The following CNTN6 variants were observed in gnomAD, a reference collection of about 807,000 sequenced individuals.
CNTN6 encodes the protein contactin 6.
CNTN6 carries 137 observed loss-of-function variants against 122.8 expected under a neutral mutation model. That is an observed-to-expected ratio of 1.12 (90% confidence interval 0.97 to 1.29). The LOEUF (loss-of-function observed/expected upper bound fraction) is 1.29. CNTN6 is among the 50% of genes most tolerant of loss of function. The pLI is 0.00. For missense variants in CNTN6, 1,634 were observed against 1,223.4 expected (o/e 1.34, Z -5.01); for synonymous variants, 570 against 426.0 (o/e 1.34, Z -4.16).
In CNTN6 at chr3:1,403,552, T is replaced by C. The variant is rs1696004304; in HGVS notation, c.*134T>C. ...GAAAAAAAAAAGTATATTATTAAAA[T>C]CCTGTAAATATCTATGGTATATTAA... On this transcript the variant is annotated 3_prime_UTR_variant, in exon 23 of 23. Coordinates refer to ENST00000446702, the MANE Select transcript of CNTN6 (RefSeq NM_001289080.2). 2.0e-6 allele frequency: 1 copy of C among 506,736 alleles called. No homozygotes were observed. The highest frequency in any genetic ancestry group is 2.0e-5 in the African/African-American group (1 of 50,994). 31.4% of individuals were successfully genotyped at this position (506,736 alleles called of 1,614,324 possible).
At position 1,227,715 on chromosome 3, in the gene CNTN6, T is replaced by C; in HGVS notation, c.183-103T>C. 11 of 1,222,918 alleles carry C rather than the reference T, an allele frequency of 9.0e-6. 1 individual carries two copies. The South Asian group carries it at 1.5e-4, about 17-fold the overall frequency. The allele number at this position is 1,222,918 out of a possible 1,614,324, so 75.8% of individuals were successfully genotyped here. A position where few individuals can be genotyped will look rare whatever the true frequency, so the allele number is the denominator to read the frequency against. On this transcript the variant is annotated intron_variant, in intron 3 of 22. Transcript: ENST00000446702. ...TTACCTCCACATGTAATCATGTTTT[T>C]TGGTGTTTTTTATAGTTGCAGGAAT...
intron 2 of CNTN6, among the ~76,000 whole-genome samples, chr3:1,170,745 C>T (rs1421100170): frequency 6.6e-6 from 1 of 152,172 alleles, no homozygotes; most frequent in African/African-American, 2.4e-5. Context: ...CTTATAAACA[C>T]TGCTGGGTAC....
chr3:1,297,638 C>CTTT (rs71303106), intron 6 of CNTN6, among the ~76,000 whole-genome samples: 86 of 138,548 alleles, frequency 6.2e-4, no homozygotes, highest in South Asian at 3.3e-3. Flanking sequence ...TTGTTTTTTT[C>CTTT]TTTTTTTTTT....
chr3:1,218,425 C>T (rs2094158403), intron 2 of CNTN6, among the ~76,000 whole-genome samples: 1 of 152,162 alleles, frequency 6.6e-6, no homozygotes, highest in Admixed American at 6.5e-5. Flanking sequence ...TGAAGGAGGA[C>T]ATCCACACTG....
rs561644663 is a variant in CNTN6, at chr3:1,268,451, T to C, written c.359-9962T>C. ...TGAAACCCCGTCTCTACTAAAAATA[T>C]AAAAAATTAGCCAGGCGCGGTGGCA... On this transcript the variant is annotated intron_variant, in intron 4 of 22. Coordinates refer to ENST00000446702, the MANE Select transcript of CNTN6 (RefSeq NM_001289080.2). Among the ~76,000 whole-genome samples the C allele has an allele frequency of 4.5e-3, 678 of 151,860 alleles. 4 individuals carry two copies. The highest frequency in any genetic ancestry group is 0.015 in the African/African-American group (636 of 41,402).
intron 1 of CNTN6, among the ~76,000 whole-genome samples, chr3:1,129,661 G>A (rs2092282008): frequency 6.6e-6 from 1 of 152,038 alleles, no homozygotes; most frequent in Admixed American, 6.6e-5. Context: ...AATATAAGAT[G>A]TTTTCTGTAA....
intron 2 of CNTN6, among the ~76,000 whole-genome samples, chr3:1,197,835 C>T (rs573533392): frequency 6.6e-6 from 1 of 152,264 alleles, no homozygotes. Flanking sequence ...TAAACTATCT[C>T]AAAGTCTGCT....
At chr3:1,327,344 C>T (rs1005593171) in intron 9 of CNTN6, 113 bp from the exon 10 acceptor site, 4 of 1,183,002 alleles carry the variant, frequency 3.4e-6, no homozygotes, top group Admixed American at 2.5e-5. Context: ...TGTATTAATA[C>T]ACCAAATTAT....
At position 1,372,806 on chromosome 3, in the gene CNTN6, G is replaced by A. The variant is rs188030724; in HGVS notation, c.1669-32G>A. On this transcript the variant is annotated intron_variant, in intron 13 of 22. Transcript: ENST00000446702. ...AGTAGGACTTGTTATATGGGCTTAC[G>A]TTTTTATCCATTTCTCCCTTTCTGT... The A allele has an allele frequency of 1.4e-4, 184 of 1,354,802 alleles. 1 individual carries two copies. The East Asian group carries it at 3.9e-3, about 28-fold the overall frequency. The allele number at this position is 1,354,802 out of a possible 1,614,324, so 83.9% of individuals were successfully genotyped here.
intron 2 of CNTN6, among the ~76,000 whole-genome samples, chr3:1,201,104 TG>T (rs2093862945): frequency 6.6e-5 from 2 of 30,264 alleles, no homozygotes; most frequent in African/African-American, 4.8e-4. Flanking sequence ...ACATTTTGTG[TG>T]TGTGTGTGTG....
intron 12 of CNTN6, among the ~76,000 whole-genome samples, chr3:1,370,829 C>T (rs894895086): frequency 1.4e-4 from 21 of 151,780 alleles, no homozygotes; most frequent in Admixed American, 4.6e-4. Context: ...GCCTGGGTGA[C>T]GGAGCGAGAC....
At chr3:1,389,110 G>A (rs1693678090) in intron 20 of CNTN6, among the ~76,000 whole-genome samples, 1 of 144,976 alleles carries the variant, frequency 6.9e-6, no homozygotes, top group South Asian at 2.3e-4. Context: ...ACACATAATT[G>A]TCAGATTCAC....
intron 20 of CNTN6, chr3:1,394,170 T>G (rs1694676909): frequency 5.0e-6 from 1 of 200,592 alleles, no homozygotes; most frequent in East Asian, 1.7e-4. Flanking sequence ...GAACTGCTCC[T>G]TGCTGCTGGG....
intron 20 of CNTN6, among the ~76,000 whole-genome samples, chr3:1,393,873 G>C (rs999830868): frequency 6.6e-6 from 1 of 152,040 alleles, no homozygotes; most frequent in Non-Finnish European, 1.5e-5. Context: ...GAGATTTTCT[G>C]TATGATATAT....
intron 4 of CNTN6, among the ~76,000 whole-genome samples, chr3:1,264,262 G>A (rs555393393): frequency 1.3e-5 from 2 of 152,210 alleles, no homozygotes; most frequent in East Asian, 1.9e-4. Flanking sequence ...GTGGAAAGGC[G>A]CTGATACAAA....
chr3:1,336,634 T>C (rs1703108534), intron 11 of CNTN6, among the ~76,000 whole-genome samples: 1 of 152,168 alleles, frequency 6.6e-6, no homozygotes, highest in Non-Finnish European at 1.5e-5. Context: ...CCTACAATAA[T>C]GCTACTGTTA....
intron 4 of CNTN6, among the ~76,000 whole-genome samples, chr3:1,236,536 A>G (rs2094424421): frequency 6.6e-6 from 1 of 152,166 alleles, no homozygotes; most frequent in African/African-American, 2.4e-5. Context: ...AAGCGGGAGA[A>G]CACCGAAACA....
chr3:1,260,462 C>T (rs1042000693), intron 4 of CNTN6, among the ~76,000 whole-genome samples: 3 of 152,040 alleles, frequency 2.0e-5, no homozygotes, highest in Admixed American at 6.6e-5. Flanking sequence ...AGTACCATAG[C>T]GAGTTTCTCT....
intron 2 of CNTN6, among the ~76,000 whole-genome samples, chr3:1,213,667 T>C (rs1012041780): frequency 6.6e-5 from 10 of 151,884 alleles, no homozygotes; most frequent in Admixed American, 6.6e-4. Flanking sequence ...CATGTATAGA[T>C]AGATAATAGC....
Sources: allele counts gnomAD v4.1 joint callset (sites outside exome capture counted in the v4.1 genomes callset), GRCh38; gene constraint gnomAD v4.1.1; transcripts MANE v1.5; gene names NCBI Gene and HGNC (gene_info 2026-07-23, HGNC 2026-07-21).